Variants in DLG2 observed in about 807,000 individuals in gnomAD.
DLG2 encodes disks large homolog 2.
A neutral mutation model predicts 132.5 loss-of-function variants in DLG2; 45 were observed. The observed-to-expected ratio is 0.34, with a 90% CI of 0.27 to 0.44. The LOEUF (loss-of-function observed/expected upper bound fraction) is 0.44, where lower values mean the gene tolerates loss of function less well. DLG2 is among the 20% of genes least tolerant of loss of function. The pLI is 1.00. For missense variants in DLG2, 1,045 were observed against 1,196.9 expected, an observed-to-expected ratio of 0.87 and a Z score of 1.87; for synonymous variants, 424 against 419.6, an observed-to-expected ratio of 1.01 and a Z score of -0.13.
intron 4 of DLG2, among the ~76,000 whole-genome samples, chr11:85,263,656 GC>G (rs1464973168): frequency 6.6e-6 from 1 of 152,194 alleles, no homozygotes; most frequent in Non-Finnish European, 1.5e-5. Context: ...CTATTGAGTG[GC>G]AGTGTTCAGA....
At chr11:85,612,036 G>A (rs1433735446) in intron 2 of DLG2, among the ~76,000 whole-genome samples, 1 of 151,972 alleles carries the variant, frequency 6.6e-6, no homozygotes, top group Non-Finnish European at 1.5e-5. Flanking sequence ...AGGAAAGAGA[G>A]GAAGATACAA....
chr11:85,065,343 A>C (rs2154162244), intron 6 of DLG2, among the ~76,000 whole-genome samples: 1 of 150,960 alleles, frequency 6.6e-6, no homozygotes, highest in South Asian at 2.1e-4. Flanking sequence ...TTTTTTTAAA[A>C]CCCCTTGATG....
At chr11:84,273,574 A>T (rs1250706321) in intron 7 of DLG2, among the ~76,000 whole-genome samples, 1 of 152,100 alleles carries the variant, frequency 6.6e-6, no homozygotes, top group Non-Finnish European at 1.5e-5. Flanking sequence ...GTGTAGGGGG[A>T]AAGAAGTAGG....
At chr11:85,526,210 C>A (rs2074728741) in intron 3 of DLG2, among the ~76,000 whole-genome samples, 1 of 152,088 alleles carries the variant, frequency 6.6e-6, no homozygotes, top group South Asian at 2.1e-4. Context: ...TTTCATGTAA[C>A]TGAAGTATCA....
At chr11:84,205,534 C>G (rs531357434) in intron 8 of DLG2, among the ~76,000 whole-genome samples, 105 of 143,094 alleles carry the variant, frequency 7.3e-4, no homozygotes, top group Middle Eastern at 3.5e-3. Flanking sequence ...ACTAAATTCT[C>G]TGAGAATAAC....
At chr11:85,045,142 T>C (rs2062217226) in intron 6 of DLG2, among the ~76,000 whole-genome samples, 1 of 152,024 alleles carries the variant, frequency 6.6e-6, no homozygotes, top group African/African-American at 2.4e-5. Flanking sequence ...TCCAGTGCTC[T>C]CCAAGGGTCT....
intron 6 of DLG2, among the ~76,000 whole-genome samples, chr11:85,110,929 C>T (rs1379045540): frequency 6.6e-6 from 1 of 152,076 alleles, no homozygotes; most frequent in African/African-American, 2.4e-5. Flanking sequence ...AACTCATTTA[C>T]AGTACACGTA....
intron 3 of DLG2, among the ~76,000 whole-genome samples, chr11:85,557,304 G>A (rs775460558): frequency 1.7e-4 from 26 of 151,764 alleles, no homozygotes; most frequent in African/African-American, 6.0e-4. Context: ...AGAAAATTAC[G>A]GATGACACAA....
At chr11:84,225,331 CAG>C (rs2096975628) in intron 8 of DLG2, among the ~76,000 whole-genome samples, 1 of 152,208 alleles carries the variant, frequency 6.6e-6, no homozygotes. Flanking sequence ...TACTGTACAA[CAG>C]AGATTATTCA....
At chr11:84,040,338 A>G (rs1354523273) in intron 11 of DLG2, among the ~76,000 whole-genome samples, 68 of 152,030 alleles carry the variant, frequency 4.5e-4, no homozygotes, top group African/African-American at 1.4e-3. Context: ...TTCTTCTAGG[A>G]TTTTTATGGT....
chr11:85,003,304 C>T (rs2058370120), intron 6 of DLG2, among the ~76,000 whole-genome samples: 1 of 151,982 alleles, frequency 6.6e-6, no homozygotes, highest in Non-Finnish European at 1.5e-5. Flanking sequence ...ATGGCACACA[C>T]CGATGACATC....
chr11:84,552,368 A>G (rs552603476), intron 6 of DLG2, among the ~76,000 whole-genome samples: 1 of 152,132 alleles, frequency 6.6e-6, no homozygotes, highest in East Asian at 1.9e-4. Flanking sequence ...AATTTCACCA[A>G]TCTGAATTAT....
At chr11:83,940,578 C>T (rs1218756047) in intron 14 of DLG2, among the ~76,000 whole-genome samples, 1 of 152,132 alleles carries the variant, frequency 6.6e-6, no homozygotes, top group African/African-American at 2.4e-5. Context: ...TGGGTTCAAA[C>T]CACTAAGTGT....
intron 14 of DLG2, among the ~76,000 whole-genome samples, chr11:83,944,147 A>T (rs553991537): frequency 0.015 from 2,273 of 152,296 alleles, 60 homozygotes; most frequent in African/African-American, 0.051. Context: ...AAATAAAGCT[A>T]AAAATGACTA....
At chr11:84,113,582 G>A (rs937692038) in intron 9 of DLG2, among the ~76,000 whole-genome samples, 1 of 152,150 alleles carries the variant, frequency 6.6e-6, no homozygotes, top group Non-Finnish European at 1.5e-5. Flanking sequence ...GAGCTGACAA[G>A]CTTTCTGACT....
chr11:83,801,085 G>A (rs970654255), intron 17 of DLG2, among the ~76,000 whole-genome samples: 2 of 152,116 alleles, frequency 1.3e-5, no homozygotes, highest in Non-Finnish European at 2.9e-5. Context: ...TCAGCAAACA[G>A]TACTACCACC....
chr11:85,215,318 T>G (rs988241105), intron 4 of DLG2, among the ~76,000 whole-genome samples: 14 of 152,218 alleles, frequency 9.2e-5, no homozygotes, highest in Non-Finnish European at 1.6e-4. Flanking sequence ...AAACAAAATT[T>G]AAAACATAAA....
chr11:83,945,894 A>G (rs954332616), intron 14 of DLG2, among the ~76,000 whole-genome samples: 1 of 148,550 alleles, frequency 6.7e-6, no homozygotes, highest in African/African-American at 2.5e-5. Context: ...TTCTGGTAAC[A>G]TGATTTTCCT....
intron 18 of DLG2, among the ~76,000 whole-genome samples, chr11:83,780,513 C>G (rs141249435): frequency 2.0e-5 from 3 of 152,234 alleles, no homozygotes; most frequent in Non-Finnish European, 2.9e-5. Context: ...TATAGTGAAG[C>G]CTTAATGACT....
Sources: gnomAD v4.1 joint callset for allele counts (sites outside exome capture counted in the v4.1 genomes callset) on GRCh38, gnomAD v4.1.1 for gene constraint, MANE v1.5 for transcripts, NCBI Gene and HGNC (gene_info 2026-07-23, HGNC 2026-07-21) for gene names.